The following TRPC3 variants were observed in gnomAD, a reference collection of about 807,000 sequenced individuals.
TRPC3 encodes transient receptor potential cation channel subfamily C member 3.
Under a neutral mutation model 90.9 loss-of-function variants are expected in TRPC3, and 54 were observed. The observed-to-expected ratio is 0.59, with a 90% confidence interval of 0.48 to 0.75. TRPC3 has a LOEUF of 0.75. Among genes scored for constraint, TRPC3 ranks in the 30% least tolerant of loss-of-function variants. TRPC3 has a pLI of 0.00. For synonymous variants in TRPC3, 424 were observed against 450.9 expected (o/e 0.94, Z 0.75); for missense variants, 918 against 1,194.5 (o/e 0.77, Z 3.41).
At position 121,911,958 on chromosome 4, in the gene TRPC3, T is replaced by C; in HGVS notation, c.1477A>G (p.Thr493Ala). ...GITTLPNITV[T>A]DYPKQIFRVK... is the part of the protein sequence containing the mutation. ...CTGAAGATCTGTTTGGGATAGTCAGTAACTGTGATATTGGGCAGCGTGGTG... is the reference window on the plus strand; with the variant it reads ...CTGAAGATCTGTTTGGGATAGTCAGCAACTGTGATATTGGGCAGCGTGGTG... The change falls in exon 5 of 12, where the codon ACT becomes GCT. Residue 493 changes from threonine to alanine, a missense_variant. By Grantham distance (58) the Thr-to-Ala change is moderately conservative. Around this residue, in one of 4 missense-constraint regions of TRPC3, gnomAD observed 609 missense variants for 725.9 expected, o/e 0.84. Transcript: ENST00000379645. 1 of 1,613,922 alleles carries C rather than the reference T, an allele frequency of 6.2e-7. No individual in the cohort carries two copies. Among genetic ancestry groups the C allele is most frequent in the Non-Finnish European group, 8.5e-7 (1 of 1,179,874 alleles).
At chr4:121,950,068 G>A (rs911552482) in intron 1 of TRPC3, among the ~76,000 whole-genome samples, 1 of 152,180 alleles carries the variant, frequency 6.6e-6, no homozygotes, top group East Asian at 1.9e-4. Context: ...TGAGCTGGTG[G>A]CGCTTTCATC....
intron 1 of TRPC3, among the ~76,000 whole-genome samples, chr4:121,938,572 TG>T (rs1382661805): frequency 6.6e-6 from 1 of 152,240 alleles, no homozygotes; most frequent in African/African-American, 2.4e-5. Flanking sequence ...ATGTATGTAA[TG>T]TTTTCAATGC....
intron 1 of TRPC3, among the ~76,000 whole-genome samples, chr4:121,937,563 T>C (rs542107142): frequency 5.3e-5 from 8 of 152,238 alleles, no homozygotes; most frequent in Admixed American, 1.3e-4. Context: ...CTTGCTTTTA[T>C]GAAGGAGTGA....
At chr4:121,885,540 A>G (rs1223602281) in intron 10 of TRPC3, among the ~76,000 whole-genome samples, 1 of 152,180 alleles carries the variant, frequency 6.6e-6, no homozygotes, top group African/African-American at 2.4e-5. Flanking sequence ...GTCTTGTAAA[A>G]GAGACAATAC....
At position 121,916,969 on chromosome 4, in the gene TRPC3, C is replaced by T. The variant is rs181155417; in HGVS notation, c.1177-2025G>A. Reference sequence around the variant, plus strand: ...ACCTCAGGTGATCCGCCCGCCTCAGCCTCTGAAAGTGCTGGGATTACAGGC... The same window carrying T: ...ACCTCAGGTGATCCGCCCGCCTCAGTCTCTGAAAGTGCTGGGATTACAGGC... On this transcript the variant is annotated intron_variant, in intron 3 of 11. Transcript: ENST00000379645. 1.1e-3 allele frequency among the ~76,000 whole-genome samples: 173 copies of T among 152,234 alleles called. 1 individual carries two copies. The highest frequency in any genetic ancestry group is 2.2e-4 in the Non-Finnish European group (15 of 68,002).
intron 9 of TRPC3, among the ~76,000 whole-genome samples, chr4:121,902,145 A>T (rs1012650906): frequency 2.0e-5 from 3 of 152,260 alleles, no homozygotes; most frequent in African/African-American, 7.2e-5. Flanking sequence ...CCATTTTCAT[A>T]ATTTTAGAAA....
intron 1 of TRPC3, among the ~76,000 whole-genome samples, chr4:121,934,439 T>C (rs1354160754): frequency 6.6e-6 from 1 of 152,240 alleles, no homozygotes; most frequent in African/African-American, 2.4e-5. Context: ...TCAAGATAAC[T>C]TCCTTTTAAA....
In TRPC3 at chr4:121,951,564, G is replaced by C. The variant is rs1396082; in HGVS notation, c.117C>G (p.Gly39=). The part of the protein sequence containing the change: ...EGAEPQRRRR[G]WRGVNGGLEP... ...CCAGCCCCCCGTTGACGCCCCTCCA[G>C]CCCCGGCGGCGGCGCTGCGGCTCCG... Residue 39 remains glycine, a synonymous_variant, in exon 1 of 12, where the codon GGC becomes GGG. Transcript: ENST00000379645. This position sits in a 1 kb window ranked among gnomAD's most constrained non-coding sequence, Gnocchi z 4.4. The C allele has an allele frequency of 6.9e-7, 1 of 1,444,498 alleles. No homozygotes were observed. The allele number at this position is 1,444,498 out of a possible 1,614,324, so 89.5% of individuals were successfully genotyped here.
In TRPC3 at chr4:121,875,504, C is replaced by T. The variant is rs1423211148; in HGVS notation, c.*4232G>A. Among the ~76,000 whole-genome samples, 1 of 151,802 alleles carries T rather than the reference C, an allele frequency of 6.6e-6. No individual in the cohort carries two copies. The highest frequency in any genetic ancestry group is 2.4e-5 in the African/African-American group (1 of 41,306). The stretch of plus-strand genomic sequence containing the variant: ...TAAAGAAAATGTCAAGTTAAATTAC[C>T]ACTGTGTGTCCTCTTTTTAAAGATG... On this transcript the variant is annotated 3_prime_UTR_variant, in exon 12 of 12. Transcript: ENST00000379645.
intron 1 of TRPC3, among the ~76,000 whole-genome samples, chr4:121,944,378 T>G (rs1391309898): frequency 7.7e-6 from 1 of 129,602 alleles, no homozygotes; most frequent in African/African-American, 2.9e-5. Flanking sequence ...CCATTACATT[T>G]CCCATGGCGT....
rs767327815 is a variant in TRPC3, at chr4:121,878,598, T to A, written c.*1138A>T. ...CATTAAAGTCAAGAGGCATTGCGGA[T>A]ATTACCAGCATTCAGCACAATTATG... On this transcript the variant is annotated 3_prime_UTR_variant, in exon 12 of 12. Coordinates refer to ENST00000379645, the MANE Select transcript of TRPC3 (RefSeq NM_001130698.2). Among the ~76,000 whole-genome samples the A allele has an allele frequency of 1.5e-4, 23 of 152,230 alleles. No homozygotes were observed. Among genetic ancestry groups the A allele is most frequent in the Non-Finnish European group, 2.9e-4 (20 of 68,034 alleles).
rs111491240 is a variant in TRPC3 at position 121,876,227 on chromosome 4, C to T, written c.*3509G>A. Among the ~76,000 whole-genome samples the T allele has an allele frequency of 7.4e-3, 1,123 of 151,956 alleles. 12 individuals are homozygous for T. The highest frequency in any genetic ancestry group is 0.026 in the African/African-American group (1,072 of 41,440). On this transcript the variant is annotated 3_prime_UTR_variant, in exon 12 of 12. Coordinates refer to ENST00000379645, the MANE Select transcript of TRPC3 (RefSeq NM_001130698.2). The stretch of plus-strand genomic sequence containing the variant: ...TTTTGGGAGGCTGAGGCAGGAGGAT[C>T]GCTTGAGGCCAAAAGTTAAAGACTA...
chr4:121,950,109 G>C (rs1730634121), intron 1 of TRPC3, among the ~76,000 whole-genome samples: 1 of 152,214 alleles, frequency 6.6e-6, no homozygotes, highest in Admixed American at 6.5e-5. Flanking sequence ...CCATTTCCTG[G>C]GCCGTTTCCA....
chr4:121,883,226 G>A (rs1157688577), intron 10 of TRPC3, among the ~76,000 whole-genome samples: 3 of 151,736 alleles, frequency 2.0e-5, no homozygotes, highest in East Asian at 1.9e-4. Context: ...ATAAATTTGG[G>A]GTAGACCTGT....
chr4:121,915,174 G>C (rs1729266786), intron 3 of TRPC3, among the ~76,000 whole-genome samples: 1 of 152,280 alleles, frequency 6.6e-6, no homozygotes, highest in South Asian at 2.1e-4. Flanking sequence ...GGTAAAATTG[G>C]TGGTGTCCTT....
chr4:121,920,484 A>G (rs970449189), intron 3 of TRPC3, among the ~76,000 whole-genome samples: 4 of 152,028 alleles, frequency 2.6e-5, no homozygotes, highest in African/African-American at 9.7e-5. Context: ...AGATCTCGCC[A>G]CTGCACTCAA....
At chr4:121,919,948 G>A (rs1729445937) in intron 3 of TRPC3, among the ~76,000 whole-genome samples, 1 of 152,162 alleles carries the variant, frequency 6.6e-6, no homozygotes, top group Admixed American at 6.5e-5. Flanking sequence ...CTATGGTGGG[G>A]AGTGGATTAA....
rs1394514354 is a variant in TRPC3, at chr4:121,932,812, T to C, written c.446A>G (p.Asn149Ser). The C allele has an allele frequency of 2.5e-6, 4 of 1,610,582 alleles. No individual in the cohort carries two copies. The highest frequency in any genetic ancestry group is 3.4e-6 in the Non-Finnish European group (4 of 1,177,492). The change falls in exon 2 of 12, where the codon AAC (asparagine) becomes AGC (serine). Residue 149 changes from asparagine (N) to serine (S), a missense_variant. Transcript: ENST00000379645. The surrounding 1 kb of genome is among the most constrained non-coding windows in gnomAD (Gnocchi z 7.7). Reference protein sequence around the residue: ...NVNCVDYMGQNALQLAVGNEH... With the variant: ...NVNCVDYMGQSALQLAVGNEH... ...GTTGCCCACAGCCAGCTGCAGCGCGTTCTGGCCCATGTAGTCCACGCAGTT... is the reference window on the plus strand; with the variant it reads ...GTTGCCCACAGCCAGCTGCAGCGCGCTCTGGCCCATGTAGTCCACGCAGTT...
intron 1 of TRPC3, among the ~76,000 whole-genome samples, chr4:121,943,095 T>C (rs888497705): frequency 5.9e-5 from 9 of 152,166 alleles, no homozygotes; most frequent in Admixed American, 5.9e-4. Flanking sequence ...TGGCTTTTAG[T>C]ATATGGTGAT....
Sources: allele counts gnomAD v4.1 joint callset (sites outside exome capture counted in the v4.1 genomes callset), GRCh38; gene constraint gnomAD v4.1.1; regional missense constraint gnomAD v4.1.1; non-coding constraint Gnocchi (gnomAD v3.1); transcripts MANE v1.5; gene names NCBI Gene and HGNC (gene_info 2026-07-23, HGNC 2026-07-21).